Variants in FANCA observed in about 807,000 individuals in gnomAD.
FANCA encodes FA complementation group A, also known as Fanconi anemia group A protein.
Under a neutral mutation model 194.3 loss-of-function variants are expected in FANCA, and 236 were observed. The ratio of observed to expected loss-of-function variants is 1.21; its 90% CI spans 1.09 to 1.35. The LOEUF (loss-of-function observed/expected upper bound fraction) is 1.35. FANCA is among the 40% of genes most tolerant of loss of function. FANCA has a pLI of 0.00. For missense variants in FANCA, 2,628 were observed against 1,813.9 expected (o/e 1.45, Z -8.15); for synonymous variants, 1,014 against 715.8 (o/e 1.42, Z -6.65).
At position 89,815,891 on chromosome 16, in the gene FANCA, C is replaced by A. The variant is rs779519169; in HGVS notation, c.175G>T (p.Ala59Ser). ...CTTCCTCTTACCTCAAGCAAAAGGG[C>A]ATTCAGGTCCTGATGGCTTCGCAGG... is the stretch of plus-strand genomic sequence containing the variant. ...RLLRSHQDLN[A>S]LLLEVEGPLC... is the part of the protein sequence containing the mutation. The change falls in exon 2 of 43, where the codon GCC becomes TCC. Residue 59 changes from alanine to serine, a missense_variant. Physicochemically the swap from Ala to Ser is moderately conservative, Grantham distance 99 (BLOSUM62 1). Transcript: ENST00000389301. The A allele has an allele frequency of 6.2e-7, 1 of 1,613,266 alleles. No individual in the cohort carries two copies. Among genetic ancestry groups the A allele is most frequent in the South Asian group, 1.1e-5 (1 of 91,076 alleles).
intron 12 of FANCA, among the ~76,000 whole-genome samples, 174 bp from the exon 13 acceptor site, chr16:89,792,242 G>A (rs972133529): frequency 6.6e-6 from 1 of 152,176 alleles, no homozygotes; most frequent in Non-Finnish European, 1.5e-5. Context: ...ACAGTGGCCA[G>A]CACCTGCTTG....
intron 32 of FANCA, among the ~76,000 whole-genome samples, 173 bp downstream of exon 32, chr16:89,749,557 C>T (rs1031060406): frequency 1.3e-5 from 2 of 152,218 alleles, no homozygotes; most frequent in Non-Finnish European, 2.9e-5. Flanking sequence ...ACTTTCAACC[C>T]TCCAGATCCT....
At position 89,783,175 on chromosome 16, in the gene FANCA, C is replaced by T. The variant is rs2239360; in HGVS notation, c.1471-73G>A. On this transcript the variant is annotated intron_variant, in intron 15 of 42. Coordinates refer to ENST00000389301, the MANE Select transcript of FANCA (RefSeq NM_000135.4). ...GGGACTCCAGGGAGGCCACAATTCA[C>T]TTCCAACATCCACAGTGCTGAGTAG... is the stretch of plus-strand genomic sequence containing the variant. 0.4 allele frequency: 441,165 copies of T among 1,100,878 alleles called. 99,850 individuals carry two copies. The highest frequency in any genetic ancestry group is 0.82 in the East Asian group (33,965 of 41,416). The allele number at this position is 1,100,878 out of a possible 1,614,324, so 68.2% of individuals were successfully genotyped here.
intron 36 of FANCA, among the ~76,000 whole-genome samples, chr16:89,743,271 T>A (rs1038424805): frequency 6.6e-6 from 1 of 152,222 alleles, no homozygotes; most frequent in Non-Finnish European, 1.5e-5. Context: ...CAGTTGCCCA[T>A]GCCTGGCCCT....
intron 6 of FANCA, among the ~76,000 whole-genome samples, chr16:89,807,839 C>T (rs184156379): frequency 1.5e-4 from 23 of 151,890 alleles, no homozygotes; most frequent in Admixed American, 4.6e-4. Flanking sequence ...GCCGACATCA[C>T]GTCACTGCAC....
In FANCA at chr16:89,792,362, C is replaced by A; in HGVS notation, c.1083+109G>T. The A allele has an allele frequency of 1.7e-6, 2 of 1,206,298 alleles. 1 individual carries two copies. Among genetic ancestry groups the A allele is most frequent in the Non-Finnish European group, 2.5e-6 (2 of 811,586 alleles). 74.7% of individuals were successfully genotyped at this position (1,206,298 alleles called of 1,614,324 possible). ...GGACAGCCACATCTCACCAGACATC[C>A]CTGAACCTCTCGATGTGCCGTCCAC... On this transcript the variant is annotated intron_variant, in intron 12 of 42. Coordinates refer to ENST00000389301, the MANE Select transcript of FANCA (RefSeq NM_000135.4).
In FANCA at chr16:89,737,653, C is replaced by G. The variant is rs554604608; in HGVS notation, c.*948G>C. The G allele has an allele frequency of 7.7e-6, 11 of 1,423,022 alleles. No homozygotes were observed. The highest frequency in any genetic ancestry group is 2.0e-4 in the Middle Eastern group (1 of 4,952). 88.1% of individuals were successfully genotyped at this position (1,423,022 alleles called of 1,614,324 possible). ...AAAGCAGTTTAAAGATCTTAATAAACGAGGCCCTCATAGGCCCCTTGCTTG... is the reference window on the plus strand; with the variant it reads ...AAAGCAGTTTAAAGATCTTAATAAAGGAGGCCCTCATAGGCCCCTTGCTTG... On this transcript the variant is annotated 3_prime_UTR_variant, in exon 43 of 43. Transcript: ENST00000389301.
chr16:89,764,768 G>A (rs1041451245), intron 28 of FANCA, 122 bp downstream of exon 28: 6 of 1,182,260 alleles, frequency 5.1e-6, no homozygotes, highest in South Asian at 2.4e-5. Flanking sequence ...CCCTAGACTC[G>A]GGACGTGGCA....
chr16:89,747,847 G>A (rs1044107955), intron 33 of FANCA, among the ~76,000 whole-genome samples: 4 of 152,148 alleles, frequency 2.6e-5, no homozygotes, highest in Non-Finnish European at 5.9e-5. Flanking sequence ...AGAGTGGGAG[G>A]GGCTGGTATC....
At position 89,767,146 on chromosome 16, in the gene FANCA, T is replaced by A; in HGVS notation, c.2596A>T (p.Lys866Ter). 2 of 1,610,254 alleles carry A rather than the reference T, an allele frequency of 1.2e-6. No individual in the cohort carries two copies. Among genetic ancestry groups the A allele is most frequent in the Non-Finnish European group, 1.7e-6 (2 of 1,176,528 alleles). ...TAGGAAAAGAGTGAACCTACCTTTT[T>A]AATAAGGCCTGGAGATAAGCAGCTG... ...LCSCLSPGLI[K>*]KFQFLMFRLF... The change falls in exon 27 of 43, where the codon AAA becomes TAA. Residue 866 changes from lysine (K) to a stop codon, truncating the protein, a stop_gained. Transcript: ENST00000389301. LOFTEE classifies it high-confidence loss of function.
rs35912722 is a variant in FANCA at position 89,799,082 on chromosome 16, G to A, written c.893+84C>T. ...CTCAGGAGCGGGCTGCTGAAGCTCT[G>A]GAAGTGTTTAAAATATCTTGGCTCT... is the stretch of plus-strand genomic sequence containing the variant. On this transcript the variant is annotated intron_variant, in intron 10 of 42. Transcript: ENST00000389301. The A allele has an allele frequency of 1.0e-3, 1,623 of 1,614,202 alleles. 13 individuals carry two copies. In the African/African-American group the frequency reaches 0.02, roughly 20 times the overall value.
chr16:89,770,690 G>A, intron 23 of FANCA, 56 bp from the exon 24 acceptor site: 1 of 1,475,152 alleles, frequency 6.8e-7, no homozygotes, highest in Non-Finnish European at 9.3e-7. Flanking sequence ...GCAGCAGGAA[G>A]GAAGCCGGCC....
At chr16:89,783,407 C>T (rs528339488) in intron 15 of FANCA, among the ~76,000 whole-genome samples, 36 of 151,856 alleles carry the variant, frequency 2.4e-4, no homozygotes, top group African/African-American at 8.4e-4. Context: ...AAAAATTAGC[C>T]GGGCGCGGTG....
intron 14 of FANCA, among the ~76,000 whole-genome samples, chr16:89,786,518 T>G (rs1376740103): frequency 2.6e-5 from 4 of 152,190 alleles, no homozygotes; most frequent in Non-Finnish European, 5.9e-5. Context: ...GGTTTTGCCA[T>G]GTTGGCCAGG....
chr16:89,761,560 T>C (rs2038955500), intron 29 of FANCA, among the ~76,000 whole-genome samples: 1 of 151,466 alleles, frequency 6.6e-6, no homozygotes, highest in Admixed American at 6.6e-5. Flanking sequence ...AAACATTAAA[T>C]TGAGGATAAA....
rs764509217 is a variant in FANCA, at chr16:89,737,945, T to G, written c.*656A>C. ...GGACCCCCTCCCAGGGCTGTGGCCC[T>G]CGCACCTTCTTATCTGCCTCTGTCC... is the stretch of plus-strand genomic sequence containing the variant. On this transcript the variant is annotated 3_prime_UTR_variant, in exon 43 of 43. Transcript: ENST00000389301. 1 of 1,613,942 alleles carries G rather than the reference T, an allele frequency of 6.2e-7. No homozygotes were observed. The highest frequency in any genetic ancestry group is 1.1e-5 in the South Asian group (1 of 91,068).
At chr16:89,793,330 C>G (rs978876292) in intron 11 of FANCA, among the ~76,000 whole-genome samples, 11 of 152,170 alleles carry the variant, frequency 7.2e-5, no homozygotes, top group Non-Finnish European at 1.5e-4. Flanking sequence ...ACAGAAGGCT[C>G]ACACTCTTGT....
At chr16:89,807,241 A>C (rs2040692508) in intron 6 of FANCA, among the ~76,000 whole-genome samples, 1 of 145,960 alleles carries the variant, frequency 6.9e-6, no homozygotes. Context: ...GGAGGATCAC[A>C]AGATCAGGAG....
rs574858136 is a variant in FANCA at position 89,760,979 on chromosome 16, C to T, written c.2852+970G>A. On this transcript the variant is annotated intron_variant, in intron 29 of 42. Transcript: ENST00000389301. ...GTCTAAGTGGGTGCCTTATACGTGC[C>T]ACATCTGCCCTCATTGATACAAAGG... Among the ~76,000 whole-genome samples, 18 of 152,326 alleles carry T rather than the reference C, an allele frequency of 1.2e-4. No homozygotes were observed. The South Asian group carries it at 3.7e-3, about 32-fold the overall frequency.
Sources: gnomAD v4.1 joint callset for allele counts (sites outside exome capture counted in the v4.1 genomes callset) on GRCh38, gnomAD v4.1.1 for gene constraint, MANE v1.5 for transcripts, NCBI Gene and HGNC (gene_info 2026-07-23, HGNC 2026-07-21) for gene names.